The following AKT3 variants were observed in gnomAD, a reference collection of about 807,000 sequenced individuals.
The protein encoded by AKT3 is RAC-gamma serine/threonine-protein kinase.
A neutral mutation model predicts 65.3 loss-of-function variants in AKT3; 15 were observed. The observed-to-expected ratio is 0.23, with a 90% CI of 0.15 to 0.35. The LOEUF is 0.35. Among genes scored for constraint, AKT3 ranks in the 10% least tolerant of loss-of-function variants. AKT3 has a pLI of 1.00. For missense variants in AKT3, 243 were observed against 576.5 expected (o/e 0.42, Z 5.92); for synonymous variants, 206 against 183.8 (o/e 1.12, Z -0.98).
At chr1:243,609,939 C>T (rs900727204) in intron 8 of AKT3, among the ~76,000 whole-genome samples, 4 of 152,088 alleles carry the variant, frequency 2.6e-5, no homozygotes. Context: ...AAAGTCCCAC[C>T]ATCTATCTAT....
rs78317039 is a variant in AKT3 at position 243,757,145 on chromosome 1, G to A, written c.47-61429C>T. Among the ~76,000 whole-genome samples the A allele has an allele frequency of 3.2e-4, 49 of 152,298 alleles. No homozygotes were observed. In the East Asian group the frequency reaches 8.7e-3, roughly 27 times the overall value. ...GAATTTTGCAATGAAAGACATTATCGAAAGAATTGGCAAAATCTGAATGGG... is the reference window on the plus strand; with the variant it reads ...GAATTTTGCAATGAAAGACATTATCAAAAGAATTGGCAAAATCTGAATGGG... On this transcript the variant is annotated intron_variant, in intron 2 of 13. Coordinates refer to ENST00000673466, the MANE Select transcript of AKT3 (RefSeq NM_005465.7).
chr1:243,829,129 A>C (rs1694348891), intron 2 of AKT3, among the ~76,000 whole-genome samples: 1 of 152,094 alleles, frequency 6.6e-6, no homozygotes, highest in Admixed American at 6.6e-5. Context: ...ACTACCTATA[A>C]TTTGGCATTT....
intron 10 of AKT3, among the ~76,000 whole-genome samples, chr1:243,553,969 A>T (rs897318477): frequency 2.0e-5 from 3 of 152,318 alleles, no homozygotes; most frequent in Admixed American, 2.0e-4. Context: ...TTATCAATTT[A>T]AAAACACTTA....
intron 2 of AKT3, among the ~76,000 whole-genome samples, chr1:243,830,428 TATAAA>T (rs1694434047): frequency 6.6e-6 from 1 of 152,124 alleles, no homozygotes; most frequent in Non-Finnish European, 1.5e-5. Flanking sequence ...TTATAATAAT[TATAAA>T]CATAATAAAG....
At chr1:243,544,409 G>A (rs1316821011) in intron 12 of AKT3, among the ~76,000 whole-genome samples, 1 of 152,000 alleles carries the variant, frequency 6.6e-6, no homozygotes, top group Non-Finnish European at 1.5e-5. Context: ...GATTGTTTGA[G>A]CCCAGGAATT....
intron 9 of AKT3, among the ~76,000 whole-genome samples, chr1:243,565,660 C>G (rs942777606): frequency 1.3e-5 from 2 of 152,168 alleles, no homozygotes; most frequent in Non-Finnish European, 2.9e-5. Context: ...TCAGAAACAT[C>G]AAGAGTCTTC....
At chr1:243,808,015 A>G (rs1692858466) in intron 2 of AKT3, 1 of 152,204 alleles carries the variant, frequency 6.6e-6, no homozygotes, top group Non-Finnish European at 1.5e-5. Context: ...AGACATCCAC[A>G]CCAAAAACCC....
chr1:243,613,830 A>C (rs1369845612), intron 7 of AKT3, 91 bp from the exon 8 acceptor site: 1 of 712,972 alleles, frequency 1.4e-6, no homozygotes, highest in Admixed American at 3.5e-5. Flanking sequence ...AGAAATAGTA[A>C]GCATGAAAGA....
intron 2 of AKT3, among the ~76,000 whole-genome samples, chr1:243,794,964 T>C (rs1691861885): frequency 6.6e-6 from 1 of 152,218 alleles, no homozygotes; most frequent in Non-Finnish European, 1.5e-5. Context: ...TCTCGTTCTC[T>C]TTACCCTCAT....
intron 2 of AKT3, among the ~76,000 whole-genome samples, chr1:243,758,919 AGGACTTTC>A (rs1304475171): frequency 2.6e-5 from 4 of 152,136 alleles, no homozygotes; most frequent in Non-Finnish European, 5.9e-5. Flanking sequence ...GATTCCTGAA[AGGACTTTC>A]GGCTTTTACT....
chr1:243,509,658 G>A (rs778547465), intron 13 of AKT3, among the ~76,000 whole-genome samples: 5 of 152,022 alleles, frequency 3.3e-5, no homozygotes, highest in Admixed American at 6.6e-5. Flanking sequence ...TGCTTGCTGC[G>A]TTGGGCCTAT....
intron 10 of AKT3, among the ~76,000 whole-genome samples, chr1:243,561,684 A>T (rs952233828): frequency 1.8e-4 from 28 of 152,118 alleles, no homozygotes; most frequent in Non-Finnish European, 3.7e-4. Context: ...ACACCTCCCT[A>T]TTTGCCTATA....
At position 243,709,393 on chromosome 1, in the gene AKT3, T is replaced by C. The variant is rs906719586; in HGVS notation, c.47-13677A>G. ...CAAGATCTCACGTGGATGACACTGA[T>C]TGCCATTTAGTAAAAATGTGTTTTA... On this transcript the variant is annotated intron_variant, in intron 2 of 13. Transcript: ENST00000673466. Among the ~76,000 whole-genome samples, 8 of 151,834 alleles carry C rather than the reference T, an allele frequency of 5.3e-5. 1 individual carries two copies. The highest frequency in any genetic ancestry group is 1.2e-4 in the Non-Finnish European group (8 of 67,814).
In AKT3 at chr1:243,613,690, T is replaced by C; in HGVS notation, c.677A>G (p.Glu226Gly). The C allele has an allele frequency of 6.3e-7, 1 of 1,595,420 alleles. No homozygotes were observed. Among genetic ancestry groups the C allele is most frequent in the South Asian group, 1.1e-5 (1 of 87,108 alleles). Residue 226 changes from glutamate (E) to glycine (G), a missense_variant, in exon 8 of 14, where the codon GAA becomes GGA. By Grantham distance (98) the Glu-to-Gly change is moderately conservative. Coordinates refer to ENST00000673466, the MANE Select transcript of AKT3 (RefSeq NM_005465.7). ...ACTCACCTCGCCCCCATTAACATAT[T>C]CCATCACAAAACACAAACGGTCTTT... is the stretch of plus-strand genomic sequence containing the variant. ...QTKDRLCFVM[E>G]YVNGGELFFH...
intron 3 of AKT3, among the ~76,000 whole-genome samples, chr1:243,671,966 T>C (rs1168502428): frequency 2.0e-5 from 3 of 152,234 alleles, no homozygotes; most frequent in East Asian, 3.8e-4. Context: ...CATAGGAATG[T>C]CTGTTCCCTC....
chr1:243,693,694 T>A (rs1396494421), intron 3 of AKT3, among the ~76,000 whole-genome samples: 1 of 152,192 alleles, frequency 6.6e-6, no homozygotes, highest in Non-Finnish European at 1.5e-5. Flanking sequence ...GAATTTGAAC[T>A]ACTTCTTCAG....
chr1:243,574,707 T>C (rs1313144505), intron 8 of AKT3, among the ~76,000 whole-genome samples: 2 of 152,112 alleles, frequency 1.3e-5, no homozygotes, highest in African/African-American at 2.4e-5. Context: ...CTAACAAGGA[T>C]AGAAAGTAGA....
At chr1:243,767,941 G>T (rs998018462) in intron 2 of AKT3, among the ~76,000 whole-genome samples, 1 of 151,364 alleles carries the variant, frequency 6.6e-6, no homozygotes, top group African/African-American at 2.4e-5. Flanking sequence ...TAATGAAAAC[G>T]GTAAAATTTC....
chr1:243,755,751 C>T (rs1211409637), intron 2 of AKT3, among the ~76,000 whole-genome samples: 3 of 152,182 alleles, frequency 2.0e-5, no homozygotes, highest in Non-Finnish European at 4.4e-5. Context: ...CCACATCATC[C>T]AAAATGAACA....
Sources: allele counts gnomAD v4.1 joint callset (sites outside exome capture counted in the v4.1 genomes callset), GRCh38; gene constraint gnomAD v4.1.1; transcripts MANE v1.5; gene names NCBI Gene and HGNC (gene_info 2026-07-23, HGNC 2026-07-21).